The following OCRL variants were observed in gnomAD, a reference collection of about 807,000 sequenced individuals.
OCRL encodes inositol polyphosphate 5-phosphatase OCRL.
Under a neutral mutation model 78.9 loss-of-function variants are expected in OCRL, and 8 were observed. That is an observed-to-expected ratio of 0.10 (90% CI 0.06 to 0.18). The LOEUF (loss-of-function observed/expected upper bound fraction) is 0.18, where lower values mean the gene tolerates loss of function less well. Among genes scored for constraint, OCRL ranks in the 10% least tolerant of loss-of-function variants. OCRL has a pLI of 1.00. For missense variants in OCRL, 454 were observed against 696.7 expected, an observed-to-expected ratio of 0.65 and a Z score of 3.92; for synonymous variants, 240 against 235.4, an observed-to-expected ratio of 1.02 and a Z score of -0.18.
intron 19 of OCRL, among the ~76,000 whole-genome samples, chrX:129,586,583 T>C (rs1275501371): frequency 6.3e-5 from 7 of 111,851 alleles, no homozygotes; most frequent in Non-Finnish European, 1.3e-4. Context: ...AAGTTAGAAA[T>C]AAACAAAAAC....
At chrX:129,543,741 C>A (rs185565425) in intron 2 of OCRL, among the ~76,000 whole-genome samples, 1 of 112,780 alleles carries the variant, frequency 8.9e-6, no homozygotes, top group Non-Finnish European at 1.9e-5. Context: ...ACAAGCACCC[C>A]CAAAAGACAA....
intron 16 of OCRL, 39 bp downstream of exon 16, chrX:129,575,289 T>A: frequency 2.2e-6 from 2 of 906,129 alleles, no homozygotes; most frequent in Non-Finnish European, 3.2e-6. Context: ...TACTGCTCAC[T>A]GTGGTTAGCA....
At chrX:129,556,837 T>C (rs1340130476) in intron 4 of OCRL, among the ~76,000 whole-genome samples, 1 of 112,225 alleles carries the variant, frequency 8.9e-6, no homozygotes, top group African/African-American at 3.2e-5. Context: ...TTTAAGTTAT[T>C]TTGTAAATTT....
At chrX:129,578,674 A>G (rs1049461189) in intron 18 of OCRL, among the ~76,000 whole-genome samples, 2 of 111,068 alleles carry the variant, frequency 1.8e-5, no homozygotes, top group Non-Finnish European at 3.8e-5. Context: ...TATGTAAAGT[A>G]TACTATCAGG....
intron 15 of OCRL, among the ~76,000 whole-genome samples, chrX:129,571,993 C>T (rs764445059): frequency 5.4e-5 from 6 of 111,857 alleles, no homozygotes; most frequent in Admixed American, 9.5e-5. Flanking sequence ...TGTATCTGTG[C>T]TGTCCAGTCC....
chrX:129,554,948 A>AAAATAAATAAATAAAT (rs765929333), intron 4 of OCRL, among the ~76,000 whole-genome samples: 28 of 84,662 alleles, frequency 3.3e-4, no homozygotes, highest in Non-Finnish European at 4.5e-4. Flanking sequence ...ACTCCTTCTC[A>AAAATAAATAAATAAAT]AAATAAATAA....
At position 129,565,827 on chromosome X, in the gene OCRL, G is replaced by A; in HGVS notation, c.1300G>A (p.Glu434Lys). 8.3e-7 allele frequency: 1 copy of A among 1,209,022 alleles called. No individual in the cohort carries two copies. ...TAGACTTTGCATGCCTGATGCCAAT[G>A]AGGTGAAAAGTCTTATTAATAAGAA... ...NYRLCMPDAN[E>K]VKSLINKKDL... Residue 434 changes from glutamate to lysine, a missense_variant, in exon 13 of 24, where the codon GAG becomes AAG. Transcript: ENST00000371113.
At chrX:129,581,345 A>G (rs5977111) in intron 18 of OCRL, among the ~76,000 whole-genome samples, 475 of 112,151 alleles carry the variant, frequency 4.2e-3, no homozygotes, top group African/African-American at 0.014. Flanking sequence ...CTCTTTTTAA[A>G]TGTAATCCAT....
At chrX:129,587,654 G>A (rs769280714) in intron 20 of OCRL, among the ~76,000 whole-genome samples, 144 of 110,481 alleles carry the variant, frequency 1.3e-3, no homozygotes, top group African/African-American at 4.6e-3. Context: ...GTATGAGCAT[G>A]CGATTTCCTC....
chrX:129,540,658 G>GT (rs2059567762), intron 1 of OCRL, 86 bp from the exon 2 acceptor site: 16 of 786,296 alleles, frequency 2.0e-5, no homozygotes, highest in Non-Finnish European at 3.0e-5. Flanking sequence ...CGGCGGTGGG[G>GT]GGGGGGTGGA....
At chrX:129,569,841 T>C (rs763882239) in intron 15 of OCRL, among the ~76,000 whole-genome samples, 187 of 86,618 alleles carry the variant, frequency 2.2e-3, no homozygotes, top group African/African-American at 7.5e-3. Context: ...TTATTTTTTC[T>C]TTTTTTTTTT....
intron 4 of OCRL, among the ~76,000 whole-genome samples, chrX:129,551,894 G>C (rs1935965043): frequency 9.0e-6 from 1 of 111,659 alleles, no homozygotes; most frequent in Non-Finnish European, 1.9e-5. Flanking sequence ...AGATGGGAGA[G>C]AGAAGAATTT....
rs17267719 is a variant in OCRL at position 129,574,818 on chromosome X, G to C, written c.1603-322G>C. ...GGGGTTTAACTTTTACAGGACGTTAGCCAATTAATCTTACCTTTACCTTAA... is the reference window on the plus strand; with the variant it reads ...GGGGTTTAACTTTTACAGGACGTTACCCAATTAATCTTACCTTTACCTTAA... On this transcript the variant is annotated intron_variant, in intron 15 of 23. Transcript: ENST00000371113. 0.026 allele frequency among the ~76,000 whole-genome samples: 2,913 copies of C among 112,205 alleles called. 43 individuals carry two copies. Among genetic ancestry groups the C allele is most frequent in the East Asian group, 0.063 (225 of 3,576 alleles).
chrX:129,585,707 A>C (rs1370416884), intron 19 of OCRL, among the ~76,000 whole-genome samples: 1 of 111,839 alleles, frequency 8.9e-6, no homozygotes, highest in African/African-American at 3.2e-5. Flanking sequence ...AATGTGGGGA[A>C]AAAAAAGAAA....
chrX:129,543,371 G>C (rs1161318505), intron 2 of OCRL, among the ~76,000 whole-genome samples: 1 of 112,811 alleles, frequency 8.9e-6, no homozygotes, highest in Non-Finnish European at 1.9e-5. Flanking sequence ...TAATGCTAAT[G>C]TTCAACACCA....
At chrX:129,545,112 T>A (rs1283291570) in intron 3 of OCRL, 75 bp downstream of exon 3, 1 of 578,717 alleles carries the variant, frequency 1.7e-6, no homozygotes, top group African/African-American at 2.2e-5. Context: ...ATACCATACA[T>A]ATTTAAATTT....
Position 129,590,596 on chromosome X carries a change from A to G in OCRL, c.*326A>G. 3.8e-6 allele frequency: 1 copy of G among 263,770 alleles called. No individual in the cohort carries two copies. 21.7% of individuals were successfully genotyped at this position (263,770 alleles called of 1,213,427 possible). ...CCCAATTGTCATGATTGTCCTTAGTACCCTAGGCCTAGATTCTGAGATCTT... is the reference window on the plus strand; with the variant it reads ...CCCAATTGTCATGATTGTCCTTAGTGCCCTAGGCCTAGATTCTGAGATCTT... On this transcript the variant is annotated 3_prime_UTR_variant, in exon 24 of 24. Transcript: ENST00000371113.
At chrX:129,567,852 C>G (rs1391036618) in intron 14 of OCRL, among the ~76,000 whole-genome samples, 1 of 110,417 alleles carries the variant, frequency 9.1e-6, no homozygotes, top group African/African-American at 3.3e-5. Context: ...ATGCTTGGAC[C>G]TAATATCTGC....
At chrX:129,552,602 T>G in intron 4 of OCRL, among the ~76,000 whole-genome samples, 1 of 111,684 alleles carries the variant, frequency 9.0e-6, no homozygotes. Context: ...TTTTTGTACT[T>G]TCAGTAGAGA....
Sources: allele counts gnomAD v4.1 joint callset (sites outside exome capture counted in the v4.1 genomes callset), GRCh38; gene constraint gnomAD v4.1.1; transcripts MANE v1.5; gene names NCBI Gene and HGNC (gene_info 2026-07-23, HGNC 2026-07-21).